Variants in CCSER1 observed in about 807,000 individuals in gnomAD.
CCSER1 encodes coiled-coil serine rich protein 1.
In CCSER1, 41 loss-of-function variants were observed where a neutral mutation model predicts 82.0. That is an observed-to-expected ratio of 0.50 (90% CI 0.39 to 0.65). The LOEUF is 0.65. Among genes scored for constraint, CCSER1 ranks in the 30% least tolerant of loss-of-function variants. The pLI is 0.00. For synonymous variants in CCSER1, 414 were observed against 383.9 expected (o/e 1.08, Z -0.92); for missense variants, 1,119 against 1,064.2 (o/e 1.05, Z -0.72).
At chr4:91,180,232 C>G (rs1733868022) in intron 10 of CCSER1, among the ~76,000 whole-genome samples, 1 of 152,220 alleles carries the variant, frequency 6.6e-6, no homozygotes, top group Non-Finnish European at 1.5e-5. Context: ...TGGGAGTTGT[C>G]TCCCAGTTAG....
At chr4:91,307,620 A>T (rs1195423542) in intron 10 of CCSER1, among the ~76,000 whole-genome samples, 3 of 152,020 alleles carry the variant, frequency 2.0e-5, no homozygotes, top group Non-Finnish European at 4.4e-5. Context: ...ACAATGAGTA[A>T]GAAGAAAGTG....
At chr4:90,671,309 G>A (rs1277036506) in intron 6 of CCSER1, among the ~76,000 whole-genome samples, 1 of 152,050 alleles carries the variant, frequency 6.6e-6, no homozygotes, top group East Asian at 1.9e-4. Context: ...TTTACCCAGA[G>A]TAGAACTTTG....
chr4:91,099,225 A>C (rs1244033864), intron 10 of CCSER1, among the ~76,000 whole-genome samples: 1 of 152,202 alleles, frequency 6.6e-6, no homozygotes, highest in Non-Finnish European at 1.5e-5. Context: ...ATAGTTTAGT[A>C]GAATAAGAAA....
intron 5 of CCSER1, among the ~76,000 whole-genome samples, chr4:90,575,296 T>A (rs1006966689): frequency 6.6e-6 from 1 of 152,186 alleles, no homozygotes; most frequent in Admixed American, 6.5e-5. Context: ...TGATTCTGTG[T>A]CATTCCATAG....
At chr4:91,179,990 T>G (rs561484554) in intron 10 of CCSER1, among the ~76,000 whole-genome samples, 1 of 152,318 alleles carries the variant, frequency 6.6e-6, no homozygotes, top group Non-Finnish European at 1.5e-5. Flanking sequence ...GGGGTTTTGG[T>G]GTGGATGTCC....
intron 10 of CCSER1, among the ~76,000 whole-genome samples, chr4:91,143,140 T>A (rs1729195887): frequency 6.6e-6 from 1 of 152,142 alleles, no homozygotes; most frequent in Admixed American, 6.5e-5. Flanking sequence ...TTTGTTTATG[T>A]CATCACTGAT....
rs531698366 is a variant in CCSER1 at position 90,365,291 on chromosome 4, C to T, written c.1510-34745C>T. Among the ~76,000 whole-genome samples, 325 of 151,846 alleles carry T rather than the reference C, an allele frequency of 2.1e-3. 1 individual carries two copies. The highest frequency in any genetic ancestry group is 7.2e-3 in the African/African-American group (298 of 41,520). On this transcript the variant is annotated intron_variant, in intron 3 of 10. Transcript: ENST00000509176. ...CATAAATTTTATATTTTTATAACATCCCATTTGGCTGTCCCAATTCATGTT... is the reference window on the plus strand; with the variant it reads ...CATAAATTTTATATTTTTATAACATTCCATTTGGCTGTCCCAATTCATGTT...
chr4:90,738,871 C>A (rs1746086739), intron 7 of CCSER1, among the ~76,000 whole-genome samples: 1 of 152,172 alleles, frequency 6.6e-6, no homozygotes, highest in Admixed American at 6.5e-5. Flanking sequence ...GAGAAGTGGG[C>A]TCCTGTCTGG....
chr4:90,276,251 T>TTCCCTTCC (rs1727657735), intron 1 of CCSER1, among the ~76,000 whole-genome samples: 1 of 76,828 alleles, frequency 1.3e-5, no homozygotes, highest in African/African-American at 5.1e-5. Flanking sequence ...TCTTTCTTTC[T>TTCCCTTCC]TTCCTTCCTT....
At chr4:90,601,289 A>G (rs1056801463) in intron 5 of CCSER1, among the ~76,000 whole-genome samples, 1 of 151,544 alleles carries the variant, frequency 6.6e-6, no homozygotes, top group Non-Finnish European at 1.5e-5. Flanking sequence ...AGCTCTGTGT[A>G]TGTATGTGTG....
intron 10 of CCSER1, among the ~76,000 whole-genome samples, chr4:91,139,342 C>T (rs1728803151): frequency 6.6e-6 from 1 of 151,994 alleles, no homozygotes; most frequent in Admixed American, 6.6e-5. Context: ...TTAAATACCA[C>T]TTATCGTCTA....
intron 10 of CCSER1, among the ~76,000 whole-genome samples, chr4:91,593,786 T>TA (rs1281573848): frequency 3.3e-5 from 5 of 152,178 alleles, no homozygotes; most frequent in Non-Finnish European, 7.3e-5. Flanking sequence ...TGTGACTTAC[T>TA]AATGGATCAC....
chr4:90,698,427 G>C (rs1445866346), intron 6 of CCSER1, among the ~76,000 whole-genome samples: 1 of 152,144 alleles, frequency 6.6e-6, no homozygotes, highest in Non-Finnish European at 1.5e-5. Context: ...AGCAGACAAG[G>C]AATATGATGT....
At chr4:90,993,719 C>A (rs918600111) in intron 9 of CCSER1, among the ~76,000 whole-genome samples, 1 of 151,936 alleles carries the variant, frequency 6.6e-6, no homozygotes, top group Non-Finnish European at 1.5e-5. Flanking sequence ...TCTTGAGTCT[C>A]CTTATAAGAG....
intron 1 of CCSER1, among the ~76,000 whole-genome samples, chr4:90,223,138 A>C (rs1024188090): frequency 6.6e-6 from 1 of 152,216 alleles, no homozygotes; most frequent in Non-Finnish European, 1.5e-5. Context: ...AACCCCATGC[A>C]ATCACTGATA....
chr4:90,890,048 A>G (rs1722736864), intron 8 of CCSER1, among the ~76,000 whole-genome samples: 1 of 152,178 alleles, frequency 6.6e-6, no homozygotes, highest in Non-Finnish European at 1.5e-5. Flanking sequence ...TTGAATAGCA[A>G]AAATCTTTCT....
At chr4:91,573,465 A>C (rs1763289287) in intron 10 of CCSER1, among the ~76,000 whole-genome samples, 1 of 152,162 alleles carries the variant, frequency 6.6e-6, no homozygotes. Flanking sequence ...CGCATGCCTG[A>C]GTGGCTTCTC....
chr4:91,274,947 T>C (rs1056368455), intron 10 of CCSER1, among the ~76,000 whole-genome samples: 5 of 151,452 alleles, frequency 3.3e-5, no homozygotes, highest in African/African-American at 1.2e-4. Context: ...CTACTAAAAA[T>C]ACAAAAAAAA....
Position 90,484,315 on chromosome 4 carries a change from G to A in CCSER1, c.1724+15961G>A, listed in dbSNP as rs547019376. Among the ~76,000 whole-genome samples the A allele has an allele frequency of 2.2e-4, 33 of 152,046 alleles. No individual in the cohort carries two copies. In the East Asian group the frequency reaches 3.3e-3, roughly 15 times the overall value. On this transcript the variant is annotated intron_variant, in intron 5 of 10. Transcript: ENST00000509176. Reference sequence around the variant, plus strand: ...TTTTTAACTTATTTGCCATTGGTTCGAACTTCCTCCTTTAGCTCGGAGTAG... The same window carrying A: ...TTTTTAACTTATTTGCCATTGGTTCAAACTTCCTCCTTTAGCTCGGAGTAG...
Sources: allele counts gnomAD v4.1 joint callset (sites outside exome capture counted in the v4.1 genomes callset), GRCh38; gene constraint gnomAD v4.1.1; transcripts MANE v1.5; gene names NCBI Gene and HGNC (gene_info 2026-07-23, HGNC 2026-07-21).